The following ARHGAP26 variants were observed in gnomAD, a reference collection of about 807,000 sequenced individuals.
ARHGAP26 encodes the protein rho GTPase-activating protein 26.
A neutral mutation model predicts 104.8 loss-of-function variants in ARHGAP26; 38 were observed. The observed-to-expected ratio is 0.36, with a 90% confidence interval of 0.28 to 0.48. The LOEUF (loss-of-function observed/expected upper bound fraction) is 0.48, where lower values mean the gene tolerates loss of function less well. ARHGAP26 is among the 20% of genes least tolerant of loss of function. The probability of loss-of-function intolerance (pLI) is 0.99; values close to 1 mark genes in which losing one functional copy is unlikely to be tolerated. For synonymous variants in ARHGAP26, 341 were observed against 340.0 expected (o/e 1.00, Z -0.03); for missense variants, 704 against 947.9 (o/e 0.74, Z 3.38).
At chr5:142,784,831 A>G (rs1290196204) in intron 1 of ARHGAP26, among the ~76,000 whole-genome samples, 1 of 151,996 alleles carries the variant, frequency 6.6e-6, no homozygotes. Context: ...GCATATTTTC[A>G]TCATTCCCCC....
At chr5:142,803,490 G>T (rs559882601) in intron 1 of ARHGAP26, among the ~76,000 whole-genome samples, 98 of 152,260 alleles carry the variant, frequency 6.4e-4, no homozygotes, top group African/African-American at 2.2e-3. Context: ...ATAGAAACCT[G>T]GCCTTTCACG....
chr5:143,105,625 G>A (rs1268909683), intron 17 of ARHGAP26, among the ~76,000 whole-genome samples: 1 of 152,140 alleles, frequency 6.6e-6, no homozygotes, highest in East Asian at 1.9e-4. Flanking sequence ...ATAAGTACAT[G>A]TGTCATAGCC....
chr5:142,809,633 A>G lies in ARHGAP26; in HGVS notation c.154+38718A>G, dbSNP rs78429185. Reference sequence around the variant, plus strand: ...GTCCTCCTTTGGAGTCCCATTATTTATACAGTTGCTAGCTTTCAAGCAGAT... The same window carrying G: ...GTCCTCCTTTGGAGTCCCATTATTTGTACAGTTGCTAGCTTTCAAGCAGAT... On this transcript the variant is annotated intron_variant, in intron 1 of 22. Transcript: ENST00000645722. Among the ~76,000 whole-genome samples, 590 of 152,322 alleles carry G rather than the reference A, an allele frequency of 3.9e-3. 8 individuals carry two copies. Among genetic ancestry groups the G allele is most frequent in the African/African-American group, 0.014 (564 of 41,570 alleles).
At chr5:143,154,215 G>A (rs2151020534) in intron 20 of ARHGAP26, among the ~76,000 whole-genome samples, 1 of 151,712 alleles carries the variant, frequency 6.6e-6, no homozygotes, top group Admixed American at 6.6e-5. Context: ...GTGGAGACAG[G>A]AGATAAATCA....
At chr5:143,038,039 C>T (rs1331899952) in intron 13 of ARHGAP26, among the ~76,000 whole-genome samples, 1 of 152,230 alleles carries the variant, frequency 6.6e-6, no homozygotes, top group Non-Finnish European at 1.5e-5. Context: ...ATTCCTCAGT[C>T]CCAGCAGTTT....
chr5:143,101,134 C>G (rs1793171300), intron 17 of ARHGAP26, among the ~76,000 whole-genome samples: 1 of 152,120 alleles, frequency 6.6e-6, no homozygotes, highest in South Asian at 2.1e-4. Flanking sequence ...AGTTCTGAAG[C>G]CATTCTTCAC....
At chr5:142,888,260 C>G (rs770406021) in intron 5 of ARHGAP26, among the ~76,000 whole-genome samples, 32 of 152,310 alleles carry the variant, frequency 2.1e-4, no homozygotes, top group Non-Finnish European at 3.4e-4. Context: ...CAGCCCTTTC[C>G]CTTCACCCAG....
chr5:143,051,704 A>G (rs1391315581), intron 14 of ARHGAP26, among the ~76,000 whole-genome samples: 2 of 152,200 alleles, frequency 1.3e-5, no homozygotes, highest in Admixed American at 6.5e-5. Flanking sequence ...AAAGCCCTTT[A>G]GCCGGGCTGT....
Position 143,227,804 on chromosome 5 carries a change from C to T in ARHGAP26, c.*5358C>T, listed in dbSNP as rs1811783535. The T allele has an allele frequency of 4.5e-6, 1 of 223,818 alleles. No homozygotes were observed. 13.9% of individuals were successfully genotyped at this position (223,818 alleles called of 1,614,324 possible). A position where few individuals can be genotyped will look rare whatever the true frequency, so the allele number is the denominator to read the frequency against. On this transcript the variant is annotated 3_prime_UTR_variant, in exon 23 of 23. Transcript: ENST00000645722. ...AGAGAGAAAGAGAAAGGTGAACCAT[C>T]CTAAGGAGCTTTGGATACTTTTTTA...
intron 18 of ARHGAP26, among the ~76,000 whole-genome samples, chr5:143,123,397 A>T (rs185023): frequency 6.6e-6 from 1 of 152,098 alleles, no homozygotes; most frequent in African/African-American, 2.4e-5. Context: ...GTGGTGTTCA[A>T]CTCACAGCAA....
Position 142,770,837 on chromosome 5 carries a change from G to T in ARHGAP26, c.76G>T (p.Glu26Ter). 2.5e-6 allele frequency: 4 copies of T among 1,610,358 alleles called. No homozygotes were observed. Among genetic ancestry groups the T allele is most frequent in the Non-Finnish European group, 3.4e-6 (4 of 1,178,218 alleles). Residue 26 changes from glutamate (E) to a stop codon, truncating the protein, a stop_gained, in exon 1 of 23, where the codon GAA becomes TAA. Transcript: ENST00000645722. LOFTEE classifies it high-confidence loss of function. ...PHFRETLKSH[E>*]AELDKTNKFI... The stretch of plus-strand genomic sequence containing the variant: ...CTTCCGAGAGACGCTCAAGTCGCAC[G>T]AAGCAGAGCTGGACAAGACCAACAA...
chr5:142,825,897 C>A (rs1173081288), intron 1 of ARHGAP26, among the ~76,000 whole-genome samples: 1 of 152,160 alleles, frequency 6.6e-6, no homozygotes, highest in East Asian at 1.9e-4. Flanking sequence ...TTGCCTTTCC[C>A]GTGCTGTGTG....
chr5:143,114,739 CCCTAGT>C (rs1192289582), intron 17 of ARHGAP26, among the ~76,000 whole-genome samples: 2 of 152,164 alleles, frequency 1.3e-5, no homozygotes, highest in Non-Finnish European at 2.9e-5. Context: ...ATGATCCAGC[CCCTAGT>C]CCTAAGGTAT....
intron 20 of ARHGAP26, among the ~76,000 whole-genome samples, chr5:143,161,496 C>G (rs1801237135): frequency 1.3e-5 from 2 of 152,178 alleles, no homozygotes; most frequent in African/African-American, 4.8e-5. Context: ...TCTCCATCTG[C>G]TATCTACCCA....
intron 11 of ARHGAP26, among the ~76,000 whole-genome samples, chr5:142,950,786 A>G (rs1403685767): frequency 6.6e-6 from 1 of 152,216 alleles, no homozygotes; most frequent in African/African-American, 2.4e-5. Flanking sequence ...TATATGAGTT[A>G]TAGAAATAAA....
At chr5:143,199,963 G>C (rs1247903383) in intron 20 of ARHGAP26, among the ~76,000 whole-genome samples, 2 of 152,156 alleles carry the variant, frequency 1.3e-5, no homozygotes, top group African/African-American at 4.8e-5. Flanking sequence ...CCAGGTTGTG[G>C]ATATCTGTCT....
chr5:142,799,359 G>GT (rs1761607996), intron 1 of ARHGAP26, among the ~76,000 whole-genome samples: 1 of 152,160 alleles, frequency 6.6e-6, no homozygotes, highest in Admixed American at 6.5e-5. Context: ...AGTTTGCGTG[G>GT]TGCCTGGCAC....
At chr5:142,819,173 C>A (rs1049979730) in intron 1 of ARHGAP26, among the ~76,000 whole-genome samples, 7 of 152,206 alleles carry the variant, frequency 4.6e-5, no homozygotes, top group African/African-American at 1.7e-4. Flanking sequence ...CTCAGGAGGT[C>A]ACCCTAGTCC....
In ARHGAP26 at chr5:143,222,380, C is replaced by T. The variant is rs535303452; in HGVS notation, c.2214C>T (p.Gly738=). The change falls in exon 23 of 23, where the codon GGC becomes GGT. Residue 738 remains glycine, a synonymous_variant. Transcript: ENST00000645722. ...CAGTTCACCCATCTCAGGAGCCTGG[C>T]TGGTTGGAGGGGACTCTGAACGGAA... is the stretch of plus-strand genomic sequence containing the variant. The part of the protein sequence containing the change: ...FDNVHPSQEP[G]WLEGTLNGKT... The T allele has an allele frequency of 5.8e-5, 93 of 1,604,064 alleles. No homozygotes were observed. In the South Asian group the frequency reaches 9.7e-4, roughly 17 times the overall value.
Sources: allele counts gnomAD v4.1 joint callset (sites outside exome capture counted in the v4.1 genomes callset), GRCh38; gene constraint gnomAD v4.1.1; transcripts MANE v1.5; gene names NCBI Gene and HGNC (gene_info 2026-07-23, HGNC 2026-07-21).